Variants in TNS4 observed in about 807,000 individuals in gnomAD.
TNS4 encodes tensin 4.
A neutral mutation model predicts 70.4 loss-of-function variants in TNS4; 46 were observed. The observed-to-expected ratio is 0.65, with a 90% CI of 0.52 to 0.84. The LOEUF is 0.84. Ranked by LOEUF, TNS4 falls within the 40% of genes least tolerant of loss-of-function variation. The pLI is 0.00. For synonymous variants in TNS4, 390 were observed against 366.6 expected, an observed-to-expected ratio of 1.06 and a Z score of -0.73; for missense variants, 863 against 907.0, an observed-to-expected ratio of 0.95 and a Z score of 0.62.
chr17:40,491,617 T>C (rs1217706892), intron 2 of TNS4, among the ~76,000 whole-genome samples: 1 of 151,334 alleles, frequency 6.6e-6, no homozygotes, highest in Non-Finnish European at 1.5e-5. Flanking sequence ...ACTGGGCCAT[T>C]GAAACATCCA....
Position 40,478,722 on chromosome 17 carries a change from T to C in TNS4, c.1911-74A>G, listed in dbSNP as rs1449792468. 5 of 1,538,012 alleles carry C rather than the reference T, an allele frequency of 3.3e-6. No individual in the cohort carries two copies. In the South Asian group the frequency reaches 3.4e-5, roughly 10 times the overall value. ...GTCATCCTGCCTCCAGCATCTCTCG[T>C]TCCCCCCAAGCTCAGGTGCCCTGTC... On this transcript the variant is annotated intron_variant, in intron 10 of 12. Coordinates refer to ENST00000254051, the MANE Select transcript of TNS4 (RefSeq NM_032865.6).
At position 40,477,740 on chromosome 17, in the gene TNS4, A is replaced by G. The variant is rs2035867215; in HGVS notation, c.2007-11T>C. 7.1e-7 allele frequency: 1 copy of G among 1,411,414 alleles called. No homozygotes were observed. Among genetic ancestry groups the G allele is most frequent in the Non-Finnish European group, 9.5e-7 (1 of 1,056,006 alleles). 87.4% of individuals were successfully genotyped at this position (1,411,414 alleles called of 1,614,324 possible). ...ACAAACCCAAAGATCCTGGTGGGGG[A>G]GGGCAGTCTGAGTGAGGGGTGGGAC... On this transcript the variant is annotated splice_polypyrimidine_tract_variant and intron_variant, in intron 12 of 12. Coordinates refer to ENST00000254051, the MANE Select transcript of TNS4 (RefSeq NM_032865.6).
chr17:40,490,581 CCTGGGTAGGGCCAT>C (rs2036056322), intron 2 of TNS4, among the ~76,000 whole-genome samples: 1 of 152,222 alleles, frequency 6.6e-6, no homozygotes, highest in Non-Finnish European at 1.5e-5. Context: ...CCAGCCCGCT[CCTGGGTAGGGCCAT>C]CTGGCCCTGC....
At chr17:40,483,019 G>T (rs554205801) in intron 6 of TNS4, among the ~76,000 whole-genome samples, 3 of 150,826 alleles carry the variant, frequency 2.0e-5, no homozygotes, top group African/African-American at 7.3e-5. Flanking sequence ...GCATGATCTC[G>T]GCTTACTGCA....
chr17:40,484,783 A>G, intron 5 of TNS4, 138 bp downstream of exon 5: 1 of 1,356,392 alleles, frequency 7.4e-7, no homozygotes, highest in African/African-American at 1.4e-5. Flanking sequence ...TCGGGAGGTC[A>G]TGAGGTCAGC....
At chr17:40,481,608 T>C (rs1239829582) in intron 8 of TNS4, among the ~76,000 whole-genome samples, 1 of 152,152 alleles carries the variant, frequency 6.6e-6, no homozygotes, top group Non-Finnish European at 1.5e-5. Flanking sequence ...TCAAGTGATC[T>C]GCCCGCCTTG....
In TNS4 at chr17:40,487,137, T is replaced by C; in HGVS notation, c.1187A>G (p.Asn396Ser). ...SPPQRTPGHQ[N>S]SVQPGAASPS... ...AGAAGCAGCTCCAGGTTGAACGGAG[T>C]TCTGGTGTCCTGGGGTCCGCTGGGG... The change falls in exon 4 of 13, where the codon AAC becomes AGC. Residue 396 changes from asparagine to serine, a missense_variant. By Grantham distance (46) the Asn-to-Ser change is conservative. Transcript: ENST00000254051. 6.2e-7 allele frequency: 1 copy of C among 1,613,916 alleles called. No homozygotes were observed. The highest frequency in any genetic ancestry group is 8.5e-7 in the Non-Finnish European group (1 of 1,179,984).
chr17:40,479,297 GCC>G (rs1231584498), intron 10 of TNS4, among the ~76,000 whole-genome samples: 2 of 152,144 alleles, frequency 1.3e-5, no homozygotes, highest in African/African-American at 4.8e-5. Flanking sequence ...ACAGGTGCGT[GCC>G]ACCATGCCCG....
intron 2 of TNS4, among the ~76,000 whole-genome samples, chr17:40,492,130 G>A (rs1305131482): frequency 6.6e-6 from 1 of 152,178 alleles, no homozygotes; most frequent in Non-Finnish European, 1.5e-5. Context: ...GAGCCTGCAG[G>A]CTGCCTCCAA....
chr17:40,485,802 A>G (rs2035982595), intron 4 of TNS4, among the ~76,000 whole-genome samples: 1 of 152,214 alleles, frequency 6.6e-6, no homozygotes, highest in Non-Finnish European at 1.5e-5. Flanking sequence ...GCGGCTTGAA[A>G]AGGAGTGTTG....
chr17:40,479,640 G>A (rs766199935), intron 10 of TNS4, 34 bp downstream of exon 10: 1 of 1,599,392 alleles, frequency 6.3e-7, no homozygotes, highest in Non-Finnish European at 8.5e-7. Context: ...TACTCCGCCA[G>A]CCCCGGAGCC....
intron 1 of TNS4, among the ~76,000 whole-genome samples, chr17:40,499,600 G>T (rs2036187735): frequency 6.6e-6 from 1 of 152,248 alleles, no homozygotes; most frequent in Non-Finnish European, 1.5e-5. Flanking sequence ...GCTCCGGTAG[G>T]TCTGATGCCA....
intron 2 of TNS4, 99 bp downstream of exon 2, chr17:40,495,888 A>T: frequency 1.5e-6 from 2 of 1,370,796 alleles, no homozygotes; most frequent in Non-Finnish European, 2.0e-6. Flanking sequence ...AGCACCTCCC[A>T]ACAGGACAGG....
chr17:40,486,489 G>A (rs919764065), intron 4 of TNS4, among the ~76,000 whole-genome samples: 7 of 152,016 alleles, frequency 4.6e-5, no homozygotes, highest in African/African-American at 1.7e-4. Flanking sequence ...TCCTGTGTGA[G>A]GAGGCTCTCT....
At position 40,482,201 on chromosome 17, in the gene TNS4, G is replaced by T; in HGVS notation, c.1600C>A (p.Leu534Ile). The change falls in exon 8 of 13, where the codon CTC becomes ATC. Residue 534 changes from leucine to isoleucine, a missense_variant. Leu to Ile is a conservative substitution (Grantham distance 5, BLOSUM62 2). Transcript: ENST00000254051. ...GADEEPYFGS[L>I]SAFVCQHSIM... ...GAATGCTGGCACACGAAGGCAGAGAGGCTCCCTGAAAGGAAGCAAGCAGCC... is the reference window on the plus strand; with the variant it reads ...GAATGCTGGCACACGAAGGCAGAGATGCTCCCTGAAAGGAAGCAAGCAGCC... The T allele has an allele frequency of 6.2e-7, 1 of 1,614,216 alleles. No individual in the cohort carries two copies. Among genetic ancestry groups the T allele is most frequent in the Non-Finnish European group, 8.5e-7 (1 of 1,180,038 alleles).
chr17:40,486,914 G>A, intron 4 of TNS4, 122 bp downstream of exon 4: 1 of 1,274,984 alleles, frequency 7.8e-7, no homozygotes, highest in South Asian at 1.4e-5. Flanking sequence ...TCACTACCTG[G>A]CATAGTGCCA....
intron 2 of TNS4, 83 bp from the exon 3 acceptor site, chr17:40,489,052 C>A: frequency 7.6e-7 from 1 of 1,308,294 alleles, no homozygotes; most frequent in South Asian, 1.5e-5. Context: ...TCCTCAAGGT[C>A]ATTCTGTCCC....
intron 6 of TNS4, 61 bp downstream of exon 6, chr17:40,484,423 G>A: frequency 6.3e-7 from 1 of 1,589,370 alleles, no homozygotes; most frequent in Non-Finnish European, 8.5e-7. Flanking sequence ...GCCAGGACTG[G>A]AACCTACCAC....
intron 1 of TNS4, among the ~76,000 whole-genome samples, chr17:40,497,163 G>A (rs770416904): frequency 2.1e-4 from 32 of 152,170 alleles, no homozygotes; most frequent in Non-Finnish European, 3.2e-4. Context: ...GAGAGAGGAG[G>A]GAAGGGACAG....
Sources: gnomAD v4.1 joint callset for allele counts (sites outside exome capture counted in the v4.1 genomes callset) on GRCh38, gnomAD v4.1.1 for gene constraint, MANE v1.5 for transcripts, NCBI Gene and HGNC (gene_info 2026-07-23, HGNC 2026-07-21) for gene names.